The following CCDC180 variants were observed in gnomAD, a reference collection of about 807,000 sequenced individuals.
The protein encoded by CCDC180 is coiled-coil domain-containing protein 180.
CCDC180 carries 154 observed loss-of-function variants against 209.2 expected under a neutral mutation model. The ratio of observed to expected loss-of-function variants is 0.74; its 90% CI spans 0.65 to 0.84. The LOEUF is 0.84. Among genes scored for constraint, CCDC180 ranks in the 40% least tolerant of loss-of-function variants. CCDC180 has a pLI of 0.00. For synonymous variants in CCDC180, 778 were observed against 749.1 expected (o/e 1.04, Z -0.63); for missense variants, 1,874 against 1,997.3 (o/e 0.94, Z 1.18).
intron 18 of CCDC180, among the ~76,000 whole-genome samples, chr9:97,336,039 T>G (rs191492415): frequency 1.3e-5 from 2 of 152,176 alleles, no homozygotes; most frequent in African/African-American, 4.8e-5. Flanking sequence ...GATTTTTTCT[T>G]GTAAATTTGT....
intron 10 of CCDC180, among the ~76,000 whole-genome samples, chr9:97,318,789 T>C (rs1833264968): frequency 6.6e-6 from 1 of 152,118 alleles, no homozygotes; most frequent in Admixed American, 6.5e-5. Context: ...AAACTTAGTG[T>C]AGCTGCCAAG....
intron 18 of CCDC180, among the ~76,000 whole-genome samples, chr9:97,342,207 G>A (rs1826106395): frequency 6.6e-6 from 1 of 152,212 alleles, no homozygotes; most frequent in African/African-American, 2.4e-5. Flanking sequence ...TCCCAATGAG[G>A]TGAACCAGGT....
At chr9:97,333,795 G>A (rs1285116115) in intron 18 of CCDC180, among the ~76,000 whole-genome samples, 1 of 151,184 alleles carries the variant, frequency 6.6e-6, no homozygotes, top group African/African-American at 2.4e-5. Context: ...TTTACTCAGA[G>A]TAATGCTTTT....
intron 26 of CCDC180, among the ~76,000 whole-genome samples, chr9:97,360,844 C>T (rs1826732484): frequency 6.6e-6 from 1 of 152,190 alleles, no homozygotes; most frequent in Admixed American, 6.5e-5. Context: ...CCCCTGCCCA[C>T]ACCTCACATT....
intron 11 of CCDC180, among the ~76,000 whole-genome samples, chr9:97,322,324 C>A (rs1833382551): frequency 6.6e-6 from 1 of 152,178 alleles, no homozygotes; most frequent in Non-Finnish European, 1.5e-5. Flanking sequence ...CTTTCAGTTT[C>A]TAGAAATTGC....
intron 3 of CCDC180, among the ~76,000 whole-genome samples, chr9:97,311,865 A>G (rs1832995612): frequency 6.6e-6 from 1 of 152,154 alleles, no homozygotes; most frequent in African/African-American, 2.4e-5. Context: ...GAGCCAGAGC[A>G]AGCTCCCTGA....
intron 8 of CCDC180, among the ~76,000 whole-genome samples, chr9:97,316,243 C>T (rs1833168222): frequency 6.6e-6 from 1 of 152,200 alleles, no homozygotes; most frequent in African/African-American, 2.4e-5. Flanking sequence ...CATTTATTTT[C>T]ACAAAATCCC....
In CCDC180 at chr9:97,314,625, T is replaced by C. The variant is rs769248304; in HGVS notation, c.596T>C (p.Leu199Pro). Residue 199 changes from leucine (L) to proline (P), a missense_variant, in exon 7 of 37, where the codon CTG becomes CCG. Transcript: ENST00000529487. ...NLEDYTIQAL[L>P]ELWDKVAGRL... ...CCAAACTTCTCTGCGTAGGCCCTGCTGGAGCTGTGGGATAAGGTGGCCGGG... is the reference window on the plus strand; with the variant it reads ...CCAAACTTCTCTGCGTAGGCCCTGCCGGAGCTGTGGGATAAGGTGGCCGGG... 15 of 1,613,924 alleles carry C rather than the reference T, an allele frequency of 9.3e-6. No individual in the cohort carries two copies. In the Admixed American group the frequency reaches 2.5e-4, roughly 27 times the overall value.
chr9:97,347,654 C>A lies in CCDC180; in HGVS notation c.2674+165C>A, dbSNP rs147412862. 4 of 632,070 alleles carry A rather than the reference C, an allele frequency of 6.3e-6. No individual in the cohort carries two copies. In the African/African-American group the frequency reaches 7.4e-5, roughly 12 times the overall value. The allele number at this position is 632,070 out of a possible 1,614,324, so 39.2% of individuals were successfully genotyped here. ...TACATGAGGGTTCGCACCTCTGAGGCTTGCAGAAAAAGGTAGTACTCCAAA... is the reference window on the plus strand; with the variant it reads ...TACATGAGGGTTCGCACCTCTGAGGATTGCAGAAAAAGGTAGTACTCCAAA... On this transcript the variant is annotated intron_variant, in intron 20 of 36. Coordinates refer to ENST00000529487, the MANE Select transcript of CCDC180 (RefSeq NM_020893.6).
chr9:97,349,104 T>G lies in CCDC180; in HGVS notation c.2675-7T>G. ...CCGGGGCCCCAGCTCTCTTAATCCT[T>G]TTTCAGCCGAGCTTTTGCTTCATCA... On this transcript the variant is annotated splice_region_variant and splice_polypyrimidine_tract_variant and intron_variant, in intron 20 of 36. Coordinates refer to ENST00000529487, the MANE Select transcript of CCDC180 (RefSeq NM_020893.6). The G allele has an allele frequency of 6.5e-7, 1 of 1,534,774 alleles. No individual in the cohort carries two copies.
rs544510726 is a variant in CCDC180 at position 97,337,477 on chromosome 9, G to A, written c.2275-5863G>A. 7.0e-3 allele frequency among the ~76,000 whole-genome samples: 1,071 copies of A among 152,132 alleles called. 11 individuals carry two copies. Among genetic ancestry groups the A allele is most frequent in the African/African-American group, 0.024 (994 of 41,494 alleles). The stretch of plus-strand genomic sequence containing the variant: ...TGATGGATTACGTTTATTGATTTGC[G>A]TATGTTGAACCAGCCTTGCATCCCA... On this transcript the variant is annotated intron_variant, in intron 18 of 36. Transcript: ENST00000529487.
intron 16 of CCDC180, among the ~76,000 whole-genome samples, chr9:97,329,062 C>G (rs1202399548): frequency 2.0e-5 from 3 of 152,146 alleles, no homozygotes; most frequent in African/African-American, 7.2e-5. Flanking sequence ...CTGAACCTGG[C>G]CAAAGGTTTC....
intron 10 of CCDC180, among the ~76,000 whole-genome samples, chr9:97,319,811 A>G (rs576657626): frequency 1.3e-5 from 2 of 152,314 alleles, no homozygotes; most frequent in East Asian, 3.9e-4. Context: ...CTTTATGTGC[A>G]TTCTATAATG....
At chr9:97,346,740 A>G (rs1025297132) in intron 19 of CCDC180, among the ~76,000 whole-genome samples, 1 of 152,116 alleles carries the variant, frequency 6.6e-6, no homozygotes, top group Non-Finnish European at 1.5e-5. Flanking sequence ...ATGACCAGCT[A>G]ATTTTTAAAA....
intron 22 of CCDC180, among the ~76,000 whole-genome samples, chr9:97,351,108 G>A (rs1826409643): frequency 6.6e-6 from 1 of 152,166 alleles, no homozygotes; most frequent in African/African-American, 2.4e-5. Flanking sequence ...AATAATGGTG[G>A]TAGGAACATT....
intron 3 of CCDC180, among the ~76,000 whole-genome samples, chr9:97,310,936 G>A (rs1832964230): frequency 6.6e-6 from 1 of 152,206 alleles, no homozygotes; most frequent in Admixed American, 6.5e-5. Flanking sequence ...GAATCTAGAG[G>A]AACTACCCAT....
intron 9 of CCDC180, 45 bp downstream of exon 9, chr9:97,317,273 C>T (rs749650054): frequency 3.4e-6 from 5 of 1,473,614 alleles, no homozygotes; most frequent in Non-Finnish European, 4.5e-6. Context: ...ACCAGGGGGG[C>T]TGGCAAAGGG....
At chr9:97,330,885 G>A in intron 18 of CCDC180, 118 bp downstream of exon 18, 4 of 1,002,722 alleles carry the variant, frequency 4.0e-6, no homozygotes, top group Non-Finnish European at 5.8e-6. Context: ...GGTGCAGAAA[G>A]AGAATTACAA....
At chr9:97,337,765 A>G (rs1825952451) in intron 18 of CCDC180, among the ~76,000 whole-genome samples, 1 of 152,204 alleles carries the variant, frequency 6.6e-6, no homozygotes, top group Admixed American at 6.5e-5. Context: ...TACCTCTGGT[A>G]GAATTCGGCT....
Sources: gnomAD v4.1 joint callset for allele counts (sites outside exome capture counted in the v4.1 genomes callset) on GRCh38, gnomAD v4.1.1 for gene constraint, MANE v1.5 for transcripts, NCBI Gene and HGNC (gene_info 2026-07-23, HGNC 2026-07-21) for gene names.